Variants in MGST2 observed in about 807,000 individuals in gnomAD.
The protein encoded by MGST2 is microsomal glutathione S-transferase 2, also known as glutathione peroxidase MGST2.
Under a neutral mutation model 16.6 loss-of-function variants are expected in MGST2, and 9 were observed. That is an observed-to-expected ratio of 0.54 (90% confidence interval 0.33 to 0.95). The LOEUF (loss-of-function observed/expected upper bound fraction) is 0.95. Ranked by LOEUF, MGST2 falls within the 40% of genes least tolerant of loss-of-function variation. The pLI is 0.03. For synonymous variants in MGST2, 79 were observed against 68.0 expected (o/e 1.16, Z -0.79); for missense variants, 159 against 175.1 (o/e 0.91, Z 0.52).
intron 3 of MGST2, among the ~76,000 whole-genome samples, chr4:139,700,773 C>G (rs1167896150): frequency 6.6e-6 from 1 of 152,200 alleles, no homozygotes. Context: ...AGGGCTTTCT[C>G]CAAACTTGGC....
At chr4:139,730,345 A>G in intron 5 of MGST2, 1 of 1,385,926 alleles carries the variant, frequency 7.2e-7, no homozygotes, top group Non-Finnish European at 9.9e-7. Context: ...CCACTTCCTC[A>G]CAGGCAGCAG....
intron 2 of MGST2, chr4:139,678,868 C>T: frequency 1.7e-6 from 1 of 586,444 alleles, no homozygotes; most frequent in Non-Finnish European, 3.1e-6. Flanking sequence ...GGTATATTTA[C>T]AGAAAAGGCT....
intron 5 of MGST2, chr4:139,725,919 G>T: frequency 8.6e-7 from 1 of 1,161,094 alleles, no homozygotes; most frequent in Non-Finnish European, 1.3e-6. Flanking sequence ...TCCGAGGAAG[G>T]TAGTGTTTTC....
the MGST2 span, among the ~76,000 whole-genome samples, chr4:139,746,050 A>G: frequency 8.7e-4 from 132 of 152,358 alleles, no homozygotes; most frequent in Non-Finnish European, 1.7e-3. Flanking sequence ...ATGGTGGCCC[A>G]ATTAAAGACT....
intron 5 of MGST2, among the ~76,000 whole-genome samples, chr4:139,739,926 G>A (rs1272659279): frequency 6.6e-6 from 1 of 152,098 alleles, no homozygotes; most frequent in Non-Finnish European, 1.5e-5. Flanking sequence ...GAGGGGCCCA[G>A]GTTATGTCTG....
intron 5 of MGST2, among the ~76,000 whole-genome samples, chr4:139,736,139 C>CA (rs1728935928): frequency 6.6e-6 from 1 of 152,154 alleles, no homozygotes; most frequent in African/African-American, 2.4e-5. Flanking sequence ...CTCACTCACT[C>CA]ACTCTGAATT....
At chr4:139,730,422 C>T (rs573982215) in intron 5 of MGST2, 62 of 1,497,136 alleles carry the variant, frequency 4.1e-5, no homozygotes, top group East Asian at 3.9e-4. Context: ...TTACCTGTTC[C>T]GCCAAAATCT....
the MGST2 span, among the ~76,000 whole-genome samples, chr4:139,754,054 T>C: frequency 6.6e-6 from 1 of 152,256 alleles, no homozygotes; most frequent in Admixed American, 6.5e-5. Flanking sequence ...TGTAATGTTA[T>C]AAAGTTATGA....
At chr4:139,696,305 T>C (rs1452588806) in intron 3 of MGST2, among the ~76,000 whole-genome samples, 1 of 152,192 alleles carries the variant, frequency 6.6e-6, no homozygotes, top group Admixed American at 6.5e-5. Flanking sequence ...TTGCTTTTTT[T>C]CTCTAAAAAT....
At chr4:139,741,789 C>T (rs954829561), downstream of MGST2, among the ~76,000 whole-genome samples, 5 of 152,124 alleles carry the variant, frequency 3.3e-5, no homozygotes, top group African/African-American at 1.2e-4. Flanking sequence ...TGCTCTAAGT[C>T]CATTATCAAT....
intron 2 of MGST2, 47 bp from the exon 3 acceptor site, chr4:139,695,150 G>A (rs763626756): frequency 7.4e-7 from 1 of 1,349,622 alleles, no homozygotes; most frequent in South Asian, 1.2e-5. Context: ...ATGCTTCAGT[G>A]TATACTTTTC....
downstream of MGST2, among the ~76,000 whole-genome samples, chr4:139,742,409 A>G (rs1413569295): frequency 6.6e-6 from 1 of 152,172 alleles, no homozygotes; most frequent in Non-Finnish European, 1.5e-5. Context: ...TTGGCCTCCC[A>G]AAGTGCTGGG....
the MGST2 span, among the ~76,000 whole-genome samples, chr4:139,751,944 T>C: frequency 6.6e-6 from 1 of 152,202 alleles, no homozygotes; most frequent in Non-Finnish European, 1.5e-5. Context: ...GGAGCCTCCA[T>C]ATAAAAGGAA....
At chr4:139,709,071 ATT>A (rs377191495), downstream of MGST2, among the ~76,000 whole-genome samples, 9 of 82,018 alleles carry the variant, frequency 1.1e-4, 1 homozygote, top group Admixed American at 3.3e-4. Context: ...AATGGAAAAA[ATT>A]TTTTTTTTTT....
At chr4:139,710,333 TC>T (rs1560760382) in intron 5 of MGST2, among the ~76,000 whole-genome samples, 1 of 152,152 alleles carries the variant, frequency 6.6e-6, no homozygotes. Context: ...TCCTCTTTCT[TC>T]CCCCATCACC....
chr4:139,691,097 G>A (rs1038499636), intron 2 of MGST2, among the ~76,000 whole-genome samples: 1 of 152,234 alleles, frequency 6.6e-6, no homozygotes, highest in Admixed American at 6.5e-5. Context: ...GCAGGGGATT[G>A]TTCAAAGAGG....
intron 2 of MGST2, among the ~76,000 whole-genome samples, chr4:139,683,355 A>G (rs1325155602): frequency 6.6e-6 from 1 of 152,192 alleles, no homozygotes; most frequent in African/African-American, 2.4e-5. Context: ...TGGCCTGAGC[A>G]TCCATCCCAA....
intron 2 of MGST2, among the ~76,000 whole-genome samples, chr4:139,682,185 G>T (rs1031097618): frequency 1.3e-5 from 2 of 151,024 alleles, no homozygotes; most frequent in African/African-American, 4.9e-5. Flanking sequence ...AACAGCGAAA[G>T]ACCCCAACTC....
intron 2 of MGST2, among the ~76,000 whole-genome samples, chr4:139,691,019 G>A (rs980969985): frequency 1.3e-5 from 2 of 152,190 alleles, no homozygotes; most frequent in Non-Finnish European, 2.9e-5. Context: ...AAAGCTCCAT[G>A]TCCCCCTAAA....
Sources: gnomAD v4.1 joint callset for allele counts (sites outside exome capture counted in the v4.1 genomes callset) on GRCh38, gnomAD v4.1.1 for gene constraint, MANE v1.5 for transcripts, NCBI Gene and HGNC (gene_info 2026-07-23, HGNC 2026-07-21) for gene names.